Variants in DPH6 observed in about 807,000 individuals in gnomAD.
DPH6 encodes diphthine--ammonia ligase.
DPH6 carries 33 observed loss-of-function variants against 38.2 expected under a neutral mutation model. The observed-to-expected ratio is 0.86, with a 90% CI of 0.65 to 1.15. The LOEUF is 1.15. Among genes scored for constraint, DPH6 ranks in the 50% most tolerant of loss-of-function variants. The pLI, the probability that DPH6 is intolerant of heterozygous loss-of-function variation, is 0.00. For missense variants in DPH6, 325 were observed against 320.0 expected (o/e 1.02, Z -0.12); for synonymous variants, 108 against 103.0 (o/e 1.05, Z -0.30).
intron 3 of DPH6, among the ~76,000 whole-genome samples, chr15:35,471,015 A>C (rs2054191987): frequency 6.6e-6 from 1 of 152,224 alleles, no homozygotes; most frequent in Non-Finnish European, 1.5e-5. Flanking sequence ...GCTCAGCTTT[A>C]CAACATACAC....
chr15:35,544,194 T>G (rs1333003471), intron 1 of DPH6, among the ~76,000 whole-genome samples: 1 of 152,208 alleles, frequency 6.6e-6, no homozygotes. Flanking sequence ...GTGCTTAGGT[T>G]TGCATACTTC....
Position 35,309,597 on chromosome 15 carries a change from C to A in DPH6, n.200+63924G>T, listed in dbSNP as rs558777842. Among the ~76,000 whole-genome samples, 13 of 152,284 alleles carry A rather than the reference C, an allele frequency of 8.5e-5. No homozygotes were observed. In the South Asian group the frequency reaches 1.0e-3, roughly 12 times the overall value. On this transcript the variant is annotated intron_variant and non_coding_transcript_variant, in intron 3 of 3. Transcript: ENST00000560386. Reference sequence around the variant, plus strand: ...AAGGCATAGGGGGAAATAAGTATTTCATGCTGTTTTTCTCCTCTACTAACA... The same window carrying A: ...AAGGCATAGGGGGAAATAAGTATTTAATGCTGTTTTTCTCCTCTACTAACA...
chr15:35,443,697 T>C (rs1182903412), intron 5 of DPH6, among the ~76,000 whole-genome samples: 2 of 152,218 alleles, frequency 1.3e-5, no homozygotes, highest in African/African-American at 4.8e-5. Flanking sequence ...GGTAAGTCTC[T>C]CTGGAGTTTT....
chr15:35,457,681 G>A (rs2054014095), intron 3 of DPH6, among the ~76,000 whole-genome samples: 1 of 152,148 alleles, frequency 6.6e-6, no homozygotes, highest in Admixed American at 6.5e-5. Context: ...ATTTCTCTGT[G>A]TCTGTTTCCT....
intron 6 of DPH6, among the ~76,000 whole-genome samples, chr15:35,403,689 T>C (rs2140982118): frequency 6.6e-6 from 1 of 152,186 alleles, no homozygotes; most frequent in South Asian, 2.1e-4. Flanking sequence ...TTCATATTTT[T>C]TGTAGTCGAC....
chr15:35,246,297 T>G (rs2051637510), intron 3 of DPH6, among the ~76,000 whole-genome samples: 2 of 152,228 alleles, frequency 1.3e-5, no homozygotes, highest in Admixed American at 6.5e-5. Context: ...GAACAGTTAT[T>G]TCTTCATTCA....
intron 3 of DPH6, among the ~76,000 whole-genome samples, chr15:35,357,807 C>G (rs1232138671): frequency 6.6e-6 from 1 of 152,050 alleles, no homozygotes; most frequent in Non-Finnish European, 1.5e-5. Flanking sequence ...TGTCTCACAG[C>G]TCTTAAGATT....
At chr15:35,429,360 T>C (rs1174823718) in intron 5 of DPH6, among the ~76,000 whole-genome samples, 1 of 152,114 alleles carries the variant, frequency 6.6e-6, no homozygotes, top group Non-Finnish European at 1.5e-5. Flanking sequence ...CTATTTTGTT[T>C]TACCTCGTCA....
intron 3 of DPH6, among the ~76,000 whole-genome samples, chr15:35,334,096 T>C (rs1047965176): frequency 6.6e-6 from 1 of 152,100 alleles, no homozygotes; most frequent in Non-Finnish European, 1.5e-5. Flanking sequence ...TGTCCATTTT[T>C]AATTTTTCAA....
At chr15:35,456,952 T>C (rs2054004850) in intron 3 of DPH6, among the ~76,000 whole-genome samples, 1 of 152,242 alleles carries the variant, frequency 6.6e-6, no homozygotes, top group South Asian at 2.1e-4. Flanking sequence ...TTTTATTTCA[T>C]GTATTTTTAA....
chr15:35,186,508 G>A, the DPH6 span, among the ~76,000 whole-genome samples: 4 of 152,112 alleles, frequency 2.6e-5, no homozygotes, highest in Non-Finnish European at 4.4e-5. Flanking sequence ...CTGTAAACAC[G>A]TTCACTGATA....
chr15:35,215,704 G>A (rs1297127193), downstream of DPH6, among the ~76,000 whole-genome samples: 1 of 152,140 alleles, frequency 6.6e-6, no homozygotes, highest in Non-Finnish European at 1.5e-5. Context: ...CATTTACTGA[G>A]CCATTATCAT....
At chr15:35,250,689 T>G (rs1306880308) in intron 3 of DPH6, among the ~76,000 whole-genome samples, 4 of 152,014 alleles carry the variant, frequency 2.6e-5, no homozygotes, top group Admixed American at 1.3e-4. Flanking sequence ...TCTGAAAATA[T>G]GAAGACAAAC....
chr15:35,183,178 T>TA, the DPH6 span, among the ~76,000 whole-genome samples: 148 of 152,306 alleles, frequency 9.7e-4, no homozygotes, highest in African/African-American at 3.4e-3. Context: ...TTCTCTCAGC[T>TA]AAAAAATTAA....
chr15:35,150,282 T>C, the DPH6 span, among the ~76,000 whole-genome samples: 1 of 152,156 alleles, frequency 6.6e-6, no homozygotes, highest in Non-Finnish European at 1.5e-5. Flanking sequence ...AACTAGAAAA[T>C]AAGGAACATA....
chr15:35,356,854 T>C (rs997090197), intron 3 of DPH6, among the ~76,000 whole-genome samples: 16 of 152,190 alleles, frequency 1.1e-4, no homozygotes, highest in African/African-American at 3.6e-4. Flanking sequence ...CTGCTGTCTT[T>C]TGTTTGGCTA....
chr15:35,321,033 A>G (rs1204910944), intron 3 of DPH6, among the ~76,000 whole-genome samples: 2 of 152,196 alleles, frequency 1.3e-5, no homozygotes, highest in African/African-American at 4.8e-5. Flanking sequence ...TATCTACAGG[A>G]GCAACTGGGG....
chr15:35,333,877 A>G (rs1367386234), intron 3 of DPH6, among the ~76,000 whole-genome samples: 1 of 152,184 alleles, frequency 6.6e-6, no homozygotes, highest in Non-Finnish European at 1.5e-5. Flanking sequence ...ATCAACCTAA[A>G]TGCCCATTAG....
chr15:35,545,864 G>C (rs2141582966), intron 1 of DPH6, among the ~76,000 whole-genome samples: 1 of 152,206 alleles, frequency 6.6e-6, no homozygotes. Context: ...TTTCCCACTT[G>C]AATCCAATGG....
Sources: allele counts gnomAD v4.1 joint callset (sites outside exome capture counted in the v4.1 genomes callset), GRCh38; gene constraint gnomAD v4.1.1; transcripts MANE v1.5; gene names NCBI Gene and HGNC (gene_info 2026-07-23, HGNC 2026-07-21).